Variants in PIGB observed in about 807,000 individuals in gnomAD.
The protein encoded by PIGB is phosphatidylinositol glycan anchor biosynthesis class B, also known as GPI alpha-1,2-mannosyltransferase 3.
Under a neutral mutation model 68.4 loss-of-function variants are expected in PIGB, and 58 were observed. The ratio of observed to expected loss-of-function variants is 0.85; its 90% confidence interval spans 0.69 to 1.06. The LOEUF is 1.06. PIGB is among the 50% of genes least tolerant of loss of function. The probability of loss-of-function intolerance (pLI) is 0.00; values close to 1 mark genes in which losing one functional copy is unlikely to be tolerated. For synonymous variants in PIGB, 219 were observed against 220.5 expected (o/e 0.99, Z 0.06); for missense variants, 634 against 655.8 (o/e 0.97, Z 0.36).
intron 9 of PIGB, among the ~76,000 whole-genome samples, chr15:55,347,983 C>CTTTTTT (rs576991463): frequency 1.7e-4 from 16 of 94,000 alleles, no homozygotes; most frequent in Non-Finnish European, 2.3e-4. Context: ...GCCATAGTTT[C>CTTTTTT]TTTTTTTTTT....
chr15:55,324,751 A>G (rs2055241876), intron 3 of PIGB: 1 of 930,514 alleles, frequency 1.1e-6, no homozygotes, highest in South Asian at 5.0e-5. Flanking sequence ...TTTGTAGCCA[A>G]ATTGACTTTT....
chr15:55,350,008 C>T (rs1351406572), intron 9 of PIGB: 1 of 152,110 alleles, frequency 6.6e-6, no homozygotes, highest in East Asian at 1.9e-4. Flanking sequence ...ATTCATTCTA[C>T]TTGGTTTTTT....
chr15:55,323,366 T>C lies in PIGB; in HGVS notation c.417+1976T>C, dbSNP rs574538100. Among the ~76,000 whole-genome samples, 8 of 152,286 alleles carry C rather than the reference T, an allele frequency of 5.3e-5. No individual in the cohort carries two copies. The East Asian group carries it at 1.5e-3, about 29-fold the overall frequency. Reference sequence around the variant, plus strand: ...AGCTAGGCATGGTGGCTCACAGTTGTAATCTCAGCACTTTGGGAGGCTGAG... The same window carrying C: ...AGCTAGGCATGGTGGCTCACAGTTGCAATCTCAGCACTTTGGGAGGCTGAG... On this transcript the variant is annotated intron_variant, in intron 3 of 11. Transcript: ENST00000164305.
chr15:55,329,488 T>A (rs2055365297), intron 4 of PIGB, among the ~76,000 whole-genome samples: 1 of 152,210 alleles, frequency 6.6e-6, no homozygotes, highest in Non-Finnish European at 1.5e-5. Context: ...GCCATAAAAA[T>A]GCACCTGAAA....
intron 1 of PIGB, 173 bp downstream of exon 1, chr15:55,319,586 G>T: frequency 1.8e-6 from 1 of 566,666 alleles, no homozygotes; most frequent in Non-Finnish European, 3.0e-6. Flanking sequence ...TTTAAATGTT[G>T]GCAACTAAAT....
chr15:55,329,293 A>C (rs1047178818), intron 4 of PIGB, among the ~76,000 whole-genome samples: 4 of 147,226 alleles, frequency 2.7e-5, no homozygotes, highest in Admixed American at 1.4e-4. Flanking sequence ...AAACAAGTGC[A>C]ACATTCCAAA....
chr15:55,340,834 A>G lies in PIGB; in HGVS notation c.1058+11A>G, dbSNP rs760487252. On this transcript the variant is annotated intron_variant, in intron 8 of 11. Coordinates refer to ENST00000164305, the MANE Select transcript of PIGB (RefSeq NM_004855.5). ...ACTGCTTGTTTATAGGTAAGATTTT[A>G]TTTGTTCAAAAGGCTAAAATTTTTT... 5.9e-6 allele frequency: 9 copies of G among 1,517,852 alleles called. No individual in the cohort carries two copies. The highest frequency in any genetic ancestry group is 8.0e-6 in the Non-Finnish European group (9 of 1,118,490). The allele number at this position is 1,517,852 out of a possible 1,614,324, so 94.0% of individuals were successfully genotyped here. A position where few individuals can be genotyped will look rare whatever the true frequency, so the allele number is the denominator to read the frequency against.
chr15:55,346,608 ATACTT>A (rs2055800466), intron 9 of PIGB: 3 of 152,326 alleles, frequency 2.0e-5, no homozygotes, highest in Non-Finnish European at 4.4e-5. Context: ...GAAGGAACCT[ATACTT>A]TAGTCACTGG....
intron 6 of PIGB, 112 bp downstream of exon 6, chr15:55,334,119 C>A: frequency 3.1e-6 from 2 of 652,366 alleles, no homozygotes; most frequent in South Asian, 3.5e-5. Context: ...TCAATGAGAA[C>A]TCTTAGTCCA....
Position 55,350,815 on chromosome 15 carries a change from G to A in PIGB, c.1240G>A (p.Val414Ile), listed in dbSNP as rs772121535. ...AGTTCATCAACGAGGTACTCTTGAT[G>A]TCATGAGTCATATTCAAAAAGTTTG... ...GLVHQRGTLDVMSHIQKVCYN... is the reference protein window; with the variant it reads ...GLVHQRGTLDIMSHIQKVCYN... Residue 414 changes from valine to isoleucine, a missense_variant, in exon 10 of 12, where the codon GTC becomes ATC. Val to Ile is a conservative substitution (Grantham distance 29). Transcript: ENST00000164305. The A allele has an allele frequency of 1.1e-5, 17 of 1,606,474 alleles. No homozygotes were observed. Among genetic ancestry groups the A allele is most frequent in the South Asian group, 4.4e-5 (4 of 90,930 alleles).
chr15:55,344,230 A>T (rs2055738815), intron 9 of PIGB, among the ~76,000 whole-genome samples: 1 of 152,238 alleles, frequency 6.6e-6, no homozygotes, highest in Admixed American at 6.5e-5. Context: ...TCACTTACAC[A>T]GCTGCAGATT....
chr15:55,346,531 G>A (rs975948131), intron 9 of PIGB: 1 of 152,286 alleles, frequency 6.6e-6, no homozygotes, highest in East Asian at 1.9e-4. Flanking sequence ...CAGATAACAG[G>A]AGCAAATTAA....
intron 3 of PIGB, chr15:55,324,693 T>G (rs2055240491): frequency 3.3e-6 from 1 of 306,850 alleles, no homozygotes; most frequent in Non-Finnish European, 4.8e-6. Context: ...AGCACAGGAA[T>G]TCTTTTAGCT....
chr15:55,343,618 G>A (rs577056184), intron 9 of PIGB: 1 of 152,232 alleles, frequency 6.6e-6, no homozygotes, highest in East Asian at 1.9e-4. Flanking sequence ...TAAGTGGCAA[G>A]ATCCCTGTAA....
chr15:55,346,434 C>A (rs2055796482), intron 9 of PIGB: 4 of 152,134 alleles, frequency 2.6e-5, no homozygotes, highest in Admixed American at 2.6e-4. Flanking sequence ...AGTCCCATTC[C>A]CCAGAGGTAA....
chr15:55,326,864 A>G (rs2055300324), intron 3 of PIGB, among the ~76,000 whole-genome samples: 2 of 151,780 alleles, frequency 1.3e-5, no homozygotes, highest in South Asian at 4.1e-4. Flanking sequence ...CAGAAACTTA[A>G]CACAATTAAA....
At chr15:55,324,355 T>C (rs1045368353) in intron 3 of PIGB, among the ~76,000 whole-genome samples, 1 of 152,200 alleles carries the variant, frequency 6.6e-6, no homozygotes, top group African/African-American at 2.4e-5. Flanking sequence ...TTTTACTCTT[T>C]AGCAGGTCCT....
chr15:55,342,485 G>A (rs2055693166), intron 9 of PIGB, among the ~76,000 whole-genome samples: 1 of 152,122 alleles, frequency 6.6e-6, no homozygotes, highest in African/African-American at 2.4e-5. Flanking sequence ...CCACCTCCCT[G>A]TGTTCAAGCA....
At chr15:55,327,454 C>T in intron 3 of PIGB, 77 bp from the exon 4 acceptor site, 1 of 913,664 alleles carries the variant, frequency 1.1e-6, no homozygotes, top group Non-Finnish European at 1.7e-6. Flanking sequence ...GTTGGATCAG[C>T]TTGTTGACTT....
Sources: gnomAD v4.1 joint callset for allele counts (sites outside exome capture counted in the v4.1 genomes callset) on GRCh38, gnomAD v4.1.1 for gene constraint, MANE v1.5 for transcripts, NCBI Gene and HGNC (gene_info 2026-07-23, HGNC 2026-07-21) for gene names.